Variants in PLCH2 observed in about 807,000 individuals in gnomAD.
The protein encoded by PLCH2 is 1-phosphatidylinositol 4,5-bisphosphate phosphodiesterase eta-2.
A neutral mutation model predicts 134.7 loss-of-function variants in PLCH2; 98 were observed. The observed-to-expected ratio is 0.73, with a 90% CI of 0.62 to 0.86. The LOEUF (loss-of-function observed/expected upper bound fraction) is 0.86, where lower values mean the gene tolerates loss of function less well. Ranked by LOEUF, PLCH2 falls within the 40% of genes least tolerant of loss-of-function variation. PLCH2 has a pLI of 0.00. For missense variants in PLCH2, 1,994 were observed against 1,986.6 expected (o/e 1.00, Z -0.07); for synonymous variants, 974 against 827.5 (o/e 1.18, Z -3.04).
chr1:2,452,266 C>T (rs576132386), intron 2 of PLCH2, among the ~76,000 whole-genome samples: 2 of 152,196 alleles, frequency 1.3e-5, no homozygotes, highest in Non-Finnish European at 2.9e-5. Flanking sequence ...CTCCAGAAGC[C>T]GCTGAGGCCT....
upstream of PLCH2, among the ~76,000 whole-genome samples, chr1:2,465,758 T>G (rs1641029881): frequency 6.6e-6 from 1 of 152,228 alleles, no homozygotes; most frequent in African/African-American, 2.4e-5. Context: ...ATCTCCTGGC[T>G]GAGTGGCGGG....
upstream of PLCH2, among the ~76,000 whole-genome samples, chr1:2,474,096 G>A (rs1324787860): frequency 2.0e-5 from 3 of 152,050 alleles, no homozygotes; most frequent in East Asian, 5.8e-4. Context: ...GGGTGAGCAT[G>A]AGGGCCCGTC....
rs550023756 is a variant in PLCH2 at position 2,505,088 on chromosome 1, C to A, written c.4126C>A (p.Arg1376=). The change falls in exon 22 of 22, where the codon CGG becomes AGG. Residue 1376 remains arginine (R), a synonymous_variant. Coordinates refer to ENST00000378486, the MANE Select transcript of PLCH2 (RefSeq NM_014638.4). ...CCGGCAGGGACCCCCAGAAGAGGAG[C>A]GGGGCACCCCCGAGGGCGCCTGCTC... ...LGRQGPPEEE[R]GTPEGACSVG... 184 of 1,538,694 alleles carry A rather than the reference C, an allele frequency of 1.2e-4. No homozygotes were observed. In the African/African-American group the frequency reaches 2.2e-3, roughly 19 times the overall value.
At chr1:2,464,938 C>T (rs953597081), upstream of PLCH2, among the ~76,000 whole-genome samples, 3 of 152,134 alleles carry the variant, frequency 2.0e-5, no homozygotes, top group African/African-American at 7.2e-5. Flanking sequence ...CTGCAGGAGG[C>T]GTTAGGGGCT....
rs897863674 is a variant in PLCH2 at position 2,494,714 on chromosome 1, C to T, written c.1660-142C>T. 9.1e-5 allele frequency: 54 copies of T among 593,616 alleles called. 1 individual carries two copies. The highest frequency in any genetic ancestry group is 1.6e-4 in the Non-Finnish European group (50 of 314,366). The allele number at this position is 593,616 out of a possible 1,614,324, so 36.8% of individuals were successfully genotyped here. Reference sequence around the variant, plus strand: ...CCCCAACCTGTCCCCGCCCTGCCCTCCCCTCCCGTCTGCCTTACTCCAGAC... The same window carrying T: ...CCCCAACCTGTCCCCGCCCTGCCCTTCCCTCCCGTCTGCCTTACTCCAGAC... On this transcript the variant is annotated intron_variant, in intron 11 of 21. Transcript: ENST00000378486.
At chr1:2,477,546 C>G (rs187966698) in intron 1 of PLCH2, among the ~76,000 whole-genome samples, 4 of 152,308 alleles carry the variant, frequency 2.6e-5, no homozygotes, top group African/African-American at 9.6e-5. Context: ...CCCGGGCTTT[C>G]TGTGAGCAGG....
At chr1:2,476,798 G>A (rs1008465890) in intron 1 of PLCH2, 86 bp downstream of exon 1, 2 of 1,383,430 alleles carry the variant, frequency 1.4e-6, no homozygotes, top group African/African-American at 1.4e-5. Context: ...GGAGGTGGGG[G>A]AAGCCTGGGC....
chr1:2,439,189 G>T lies in PLCH2; in HGVS notation c.115+8560G>T, dbSNP rs534624452. On this transcript the variant is annotated intron_variant, in intron 2 of 3. Transcript: ENST00000609981. The surrounding 1 kb of genome is among the most constrained non-coding windows in gnomAD (Gnocchi z 4.7). ...CCTCAGTTTCCCCCTCAGAGAAAAGGGTGTGTCAGGCCTCAATGATTCCTA... is the reference window on the plus strand; with the variant it reads ...CCTCAGTTTCCCCCTCAGAGAAAAGTGTGTGTCAGGCCTCAATGATTCCTA... Among the ~76,000 whole-genome samples, 1 of 152,340 alleles carries T rather than the reference G, an allele frequency of 6.6e-6. No individual in the cohort carries two copies. Among genetic ancestry groups the T allele is most frequent in the African/African-American group, 2.4e-5 (1 of 41,586 alleles).
chr1:2,474,876 C>T (rs1250423613), upstream of PLCH2, among the ~76,000 whole-genome samples: 1 of 152,196 alleles, frequency 6.6e-6, no homozygotes, highest in Admixed American at 6.5e-5. Flanking sequence ...CTCAGGCCAC[C>T]TCCTGGCCCC....
rs143400582 is a variant in PLCH2, at chr1:2,504,832, G to C, written c.3870G>C (p.Ser1290=). 1 of 1,607,122 alleles carries C rather than the reference G, an allele frequency of 6.2e-7. No individual in the cohort carries two copies. Among genetic ancestry groups the C allele is most frequent in the Non-Finnish European group, 8.5e-7 (1 of 1,177,590 alleles). Residue 1290 remains serine (S), a synonymous_variant, in exon 22 of 22, where the codon TCG becomes TCC. Transcript: ENST00000378486. ...LGLPGGTRRV[S]GPGVRRDTLT... is the part of the protein sequence containing the mutation. ...TCCCGGGAGGGACACGGCGGGTGTCGGGGCCAGGGGTGAGACGGGACACCC... is the reference window on the plus strand; with the variant it reads ...TCCCGGGAGGGACACGGCGGGTGTCCGGGCCAGGGGTGAGACGGGACACCC...
At chr1:2,455,646 C>T (rs953729651) in intron 2 of PLCH2, among the ~76,000 whole-genome samples, 12 of 152,206 alleles carry the variant, frequency 7.9e-5, no homozygotes, top group East Asian at 1.9e-4. Context: ...GGGGGTCAGG[C>T]GGGGGCAGGA....
intron 9 of PLCH2, 24 bp from the exon 10 acceptor site, chr1:2,489,736 C>T (rs755278578): frequency 5.1e-6 from 8 of 1,569,084 alleles, no homozygotes; most frequent in Non-Finnish European, 8.8e-7. Flanking sequence ...CAGGGCCCCT[C>T]CCATCATGCA....
intron 2 of PLCH2, among the ~76,000 whole-genome samples, chr1:2,457,227 A>G (rs1247998945): frequency 6.6e-6 from 1 of 152,032 alleles, no homozygotes; most frequent in East Asian, 1.9e-4. Context: ...ATCAGCAAGG[A>G]CAGGAATGAG....
chr1:2,502,261 G>C lies in PLCH2; in HGVS notation c.2811G>C (p.Gln937His). 6.5e-7 allele frequency: 1 copy of C among 1,541,436 alleles called. No individual in the cohort carries two copies. Among genetic ancestry groups the C allele is most frequent in the Non-Finnish European group, 8.7e-7 (1 of 1,144,668 alleles). Residue 937 changes from glutamine to histidine, a missense_variant, in exon 21 of 22, where the codon CAG becomes CAC. By Grantham distance (24) the Gln-to-His change is conservative. Coordinates refer to ENST00000378486, the MANE Select transcript of PLCH2 (RefSeq NM_014638.4). The stretch of plus-strand genomic sequence containing the variant: ...CGGCCAGCGCCCCGACCAAGAGCCA[G>C]AAGCCGGGCCGCAGGGGCTTCCCGG... ...RRTASAPTKS[Q>H]KPGRRGFPEL...
intron 1 of PLCH2, among the ~76,000 whole-genome samples, chr1:2,426,454 G>A (rs1380383334): frequency 2.0e-5 from 3 of 152,248 alleles, no homozygotes; most frequent in Non-Finnish European, 2.9e-5. Flanking sequence ...CGGGGCTGCC[G>A]TGAGCAGCCT....
chr1:2,499,847 C>T lies in PLCH2; in HGVS notation c.2661+127C>T, dbSNP rs1045994834. On this transcript the variant is annotated intron_variant, in intron 20 of 21. Coordinates refer to ENST00000378486, the MANE Select transcript of PLCH2 (RefSeq NM_014638.4). ...GCAGTGAGGCCTAGGGTCCCCTCCCCGGGCCTCTGCTCCTCTATCTCAAGA... is the reference window on the plus strand; with the variant it reads ...GCAGTGAGGCCTAGGGTCCCCTCCCTGGGCCTCTGCTCCTCTATCTCAAGA... 34 of 727,190 alleles carry T rather than the reference C, an allele frequency of 4.7e-5. 1 individual carries two copies. The highest frequency in any genetic ancestry group is 1.7e-4 in the Admixed American group (8 of 48,466). The allele number at this position is 727,190 out of a possible 1,614,324, so 45.0% of individuals were successfully genotyped here. A position where few individuals can be genotyped will look rare whatever the true frequency, so the allele number is the denominator to read the frequency against.
chr1:2,494,045 G>A (rs547026606), intron 11 of PLCH2, among the ~76,000 whole-genome samples: 4 of 152,306 alleles, frequency 2.6e-5, no homozygotes, highest in Non-Finnish European at 5.9e-5. Flanking sequence ...AACAGGGACC[G>A]CTGCTGCAGG....
upstream of PLCH2, among the ~76,000 whole-genome samples, chr1:2,475,469 C>A (rs1005079426): frequency 6.6e-6 from 1 of 152,240 alleles, no homozygotes; most frequent in African/African-American, 2.4e-5. Flanking sequence ...GGTGTCCCGG[C>A]CTGGACTTGG....
chr1:2,435,986 C>T (rs1178729490), intron 2 of PLCH2, among the ~76,000 whole-genome samples: 1 of 129,438 alleles, frequency 7.7e-6, no homozygotes. Flanking sequence ...CTCCTCCCTT[C>T]TCCCCTCCTC....
Sources: gnomAD v4.1 joint callset for allele counts (sites outside exome capture counted in the v4.1 genomes callset) on GRCh38, gnomAD v4.1.1 for gene constraint, Gnocchi (gnomAD v3.1) non-coding constraint, MANE v1.5 for transcripts, NCBI Gene and HGNC (gene_info 2026-07-23, HGNC 2026-07-21) for gene names.